CMTM4: variants seen among roughly 807,000 people sequenced by gnomAD.
The protein encoded by CMTM4 is CKLF like MARVEL transmembrane domain containing 4.
A neutral mutation model predicts 19.0 loss-of-function variants in CMTM4; 8 were observed. The ratio of observed to expected loss-of-function variants is 0.42; its 90% confidence interval spans 0.25 to 0.76. The LOEUF (loss-of-function observed/expected upper bound fraction) is 0.76, where lower values mean the gene tolerates loss of function less well. CMTM4 is among the 30% of genes least tolerant of loss of function. The pLI is 0.27. For synonymous variants in CMTM4, 106 were observed against 121.1 expected (o/e 0.88, Z 0.82); for missense variants, 228 against 290.2 (o/e 0.79, Z 1.56).
intron 1 of CMTM4, among the ~76,000 whole-genome samples, chr16:66,663,375 A>ATG (rs1415049759): frequency 6.6e-6 from 1 of 152,070 alleles, no homozygotes; most frequent in African/African-American, 2.4e-5. Flanking sequence ...GCATGGTGGT[A>ATG]TACCCCTGCA....
intron 2 of CMTM4, among the ~76,000 whole-genome samples, chr16:66,632,227 G>C (rs1265839024): frequency 2.0e-5 from 3 of 152,214 alleles, no homozygotes; most frequent in Non-Finnish European, 2.9e-5. Context: ...GATGTTGAGT[G>C]GGGTGAGAAC....
In CMTM4 at chr16:66,620,757, A is replaced by C; in HGVS notation, c.*1301T>G. The C allele has an allele frequency of 6.1e-6, 6 of 985,814 alleles. No individual in the cohort carries two copies. Among genetic ancestry groups the C allele is most frequent in the Non-Finnish European group, 7.2e-6 (6 of 829,906 alleles). 61.1% of individuals were successfully genotyped at this position (985,814 alleles called of 1,614,324 possible). ...AGCTAAAGTGAGGTTTGTAAACATTAAAAACAGTTCAAAGAGGGAAAACCT... is the reference window on the plus strand; with the variant it reads ...AGCTAAAGTGAGGTTTGTAAACATTCAAAACAGTTCAAAGAGGGAAAACCT... On this transcript the variant is annotated 3_prime_UTR_variant, in exon 4 of 4. Transcript: ENST00000394106.
the CMTM4 span, chr16:66,604,665 G>A: frequency 7.4e-5 from 44 of 595,212 alleles, no homozygotes; most frequent in African/African-American, 7.8e-4. Context: ...TGGGGGCGGG[G>A]CGGGGCGTGG....
At chr16:66,633,104 T>TATATATATATAAATATATATATAAAA (rs370924302) in intron 2 of CMTM4, among the ~76,000 whole-genome samples, 2 of 24,812 alleles carry the variant, frequency 8.1e-5, no homozygotes, top group Non-Finnish European at 1.9e-4. Context: ...TATATATAAA[T>TATATATATATAAATATATATATAAAA]ATATATATAT....
intron 1 of CMTM4, among the ~76,000 whole-genome samples, chr16:66,646,024 A>G (rs773804168): frequency 2.0e-5 from 3 of 152,152 alleles, no homozygotes; most frequent in Non-Finnish European, 4.4e-5. Flanking sequence ...CATGGTGAAT[A>G]AACAACAGCA....
chr16:66,650,685 A>G (rs79981134), intron 1 of CMTM4, among the ~76,000 whole-genome samples: 159 of 152,320 alleles, frequency 1.0e-3, no homozygotes, highest in African/African-American at 3.7e-3. Context: ...ATGTTACAAG[A>G]GCACAGATTT....
At chr16:66,688,639 CTAATA>C (rs2017080370) in intron 1 of CMTM4, among the ~76,000 whole-genome samples, 1 of 152,106 alleles carries the variant, frequency 6.6e-6, no homozygotes, top group Non-Finnish European at 1.5e-5. Context: ...CTTTGCCTGG[CTAATA>C]TAAAGTTTAG....
intron 1 of CMTM4, among the ~76,000 whole-genome samples, chr16:66,685,183 G>GA (rs1398845771): frequency 3.3e-5 from 5 of 152,100 alleles, no homozygotes; most frequent in Admixed American, 3.3e-4. Flanking sequence ...GGCAGCACAG[G>GA]AAATTGAGAC....
intron 2 of CMTM4, among the ~76,000 whole-genome samples, chr16:66,632,158 G>A (rs2015884870): frequency 6.6e-6 from 1 of 152,192 alleles, no homozygotes; most frequent in Non-Finnish European, 1.5e-5. Context: ...GGGGGCCCAG[G>A]ATGCAAGGTG....
chr16:66,684,616 C>A (rs1402274242), intron 1 of CMTM4, among the ~76,000 whole-genome samples: 2 of 152,188 alleles, frequency 1.3e-5, no homozygotes, highest in Admixed American at 6.5e-5. Flanking sequence ...GAACACCCCC[C>A]AACCCACTGC....
intron 1 of CMTM4, among the ~76,000 whole-genome samples, chr16:66,649,260 C>T (rs2016264569): frequency 6.6e-6 from 1 of 151,894 alleles, no homozygotes; most frequent in Non-Finnish European, 1.5e-5. Flanking sequence ...TGGACATTTG[C>T]CTTTATGTTT....
At chr16:66,678,582 C>T (rs2144896937) in intron 1 of CMTM4, among the ~76,000 whole-genome samples, 1 of 152,290 alleles carries the variant, frequency 6.6e-6, no homozygotes, top group East Asian at 1.9e-4. Flanking sequence ...TAACTGACAG[C>T]AATGCAAATG....
downstream of CMTM4, chr16:66,610,014 G>T (rs1209787060): frequency 6.2e-7 from 1 of 1,614,122 alleles, no homozygotes; most frequent in South Asian, 1.1e-5. The surrounding 1 kb of genome is among the most constrained non-coding windows in gnomAD (Gnocchi z 4.6). Context: ...GTAAGCGGCT[G>T]CCCTGATCAC....
chr16:66,695,217 C>T (rs1039984948), intron 1 of CMTM4, among the ~76,000 whole-genome samples: 2 of 152,014 alleles, frequency 1.3e-5, no homozygotes, highest in Admixed American at 6.6e-5. Context: ...CATGGTGGAA[C>T]GTGCTTGTAG....
Position 66,617,269 on chromosome 16 carries a change from G to A in CMTM4, c.*4789C>T, listed in dbSNP as rs1004146719. 1 of 1,613,752 alleles carries A rather than the reference G, an allele frequency of 6.2e-7. No homozygotes were observed. Among genetic ancestry groups the A allele is most frequent in the Non-Finnish European group, 8.5e-7 (1 of 1,179,786 alleles). ...TACACAGTTCAAGGACCCATCATCT[G>A]AACTTTTCTAGGCAAGTTGCCAGTG... On this transcript the variant is annotated 3_prime_UTR_variant, in exon 4 of 4. Coordinates refer to ENST00000394106, the MANE Select transcript of CMTM4 (RefSeq NM_181521.3).
At position 66,621,717 on chromosome 16, in the gene CMTM4, CCT is replaced by C. The variant is rs2015638903; in HGVS notation, c.*339_*340del. On this transcript the variant is annotated 3_prime_UTR_variant, in exon 4 of 4. Transcript: ENST00000394106. ...TCCCTTCATTCCTTCATATTTCCCC[CCT>C]CTTAGCAGCCCCATTTAATCCAAAG... 6 of 1,093,728 alleles carry C rather than the reference CCT, an allele frequency of 5.5e-6. No individual in the cohort carries two copies. Among genetic ancestry groups the C allele is most frequent in the Non-Finnish European group, 6.7e-6 (6 of 893,900 alleles). 67.8% of individuals were successfully genotyped at this position (1,093,728 alleles called of 1,614,324 possible). A position where few individuals can be genotyped will look rare whatever the true frequency, so the allele number is the denominator to read the frequency against.
intron 1 of CMTM4, among the ~76,000 whole-genome samples, chr16:66,692,680 CA>C (rs1220071938): frequency 6.6e-6 from 1 of 151,830 alleles, no homozygotes; most frequent in Non-Finnish European, 1.5e-5. Flanking sequence ...CCAAGATGGG[CA>C]GATCACTTGA....
chr16:66,619,468 A>G lies in CMTM4; in HGVS notation c.*2590T>C. 1 of 985,474 alleles carries G rather than the reference A, an allele frequency of 1.0e-6. No homozygotes were observed. Among genetic ancestry groups the G allele is most frequent in the Non-Finnish European group, 1.2e-6 (1 of 829,942 alleles). The allele number at this position is 985,474 out of a possible 1,614,324, so 61.0% of individuals were successfully genotyped here. ...AAAAACTAAGGTCGCTCAGCCTTCA[A>G]ATGCCCCAAACCAAACTGATATTGG... is the stretch of plus-strand genomic sequence containing the variant. On this transcript the variant is annotated 3_prime_UTR_variant, in exon 4 of 4. Coordinates refer to ENST00000394106, the MANE Select transcript of CMTM4 (RefSeq NM_181521.3).
intron 1 of CMTM4, among the ~76,000 whole-genome samples, chr16:66,643,122 T>C (rs534342920): frequency 2.6e-5 from 4 of 152,272 alleles, no homozygotes; most frequent in East Asian, 1.9e-4. Context: ...GGTTTCGTCA[T>C]GTTGGTCAGG....
Sources: gnomAD v4.1 joint callset for allele counts (sites outside exome capture counted in the v4.1 genomes callset) on GRCh38, gnomAD v4.1.1 for gene constraint, Gnocchi (gnomAD v3.1) non-coding constraint, MANE v1.5 for transcripts, NCBI Gene and HGNC (gene_info 2026-07-23, HGNC 2026-07-21) for gene names.